The following ZNF460 variants were observed in gnomAD, a reference collection of about 807,000 sequenced individuals.
ZNF460 encodes the protein zinc finger protein 272.
A neutral mutation model predicts 8.4 loss-of-function variants in ZNF460; 1 was observed. That is an observed-to-expected ratio of 0.12 (90% CI 0.04 to 0.56). The LOEUF is 0.56. Among genes scored for constraint, ZNF460 ranks in the 20% least tolerant of loss-of-function variants. The pLI, the probability that ZNF460 is intolerant of heterozygous loss-of-function variation, is 0.91. For synonymous variants in ZNF460, 262 were observed against 259.9 expected (o/e 1.01, Z -0.08); for missense variants, 477 against 714.8 (o/e 0.67, Z 3.79).
intron 2 of ZNF460, among the ~76,000 whole-genome samples, chr19:57,286,123 T>G (rs1483004384): frequency 6.6e-6 from 1 of 152,258 alleles, no homozygotes; most frequent in Non-Finnish European, 1.5e-5. Flanking sequence ...TGTACTTTGC[T>G]TTACTGCACC....
intron 2 of ZNF460, 134 bp downstream of exon 2, chr19:57,284,811 CTA>C: frequency 5.0e-6 from 4 of 805,756 alleles, no homozygotes; most frequent in East Asian, 3.7e-5. Context: ...AAGCTTTACT[CTA>C]TTTTTTTTTT....
intron 2 of ZNF460, among the ~76,000 whole-genome samples, chr19:57,289,857 T>G (rs1480363317): frequency 6.6e-6 from 1 of 151,772 alleles, no homozygotes; most frequent in Non-Finnish European, 1.5e-5. Flanking sequence ...TACAAAAAAT[T>G]TAGCCAGGCG....
intron 2 of ZNF460, 134 bp downstream of exon 2, chr19:57,284,811 C>CAA: frequency 1.2e-6 from 1 of 805,772 alleles, no homozygotes; most frequent in Non-Finnish European, 1.7e-6. Flanking sequence ...AAGCTTTACT[C>CAA]TATTTTTTTT....
Position 57,291,842 on chromosome 19 carries a change from G to A in ZNF460, c.1301G>A (p.Gly434Glu). The change falls in exon 3 of 3, where the codon GGG (glycine) becomes GAG (glutamate). Residue 434 changes from glycine to glutamate, a missense_variant. By Grantham distance (98) the Gly-to-Glu change is moderately conservative. Coordinates refer to ENST00000360338, the MANE Select transcript of ZNF460 (RefSeq NM_006635.4). This position sits in a 1 kb window ranked among gnomAD's most constrained non-coding sequence, Gnocchi z 8.4. ...GGAAAGGCTTTTACCCGCATGTCAG[G>A]GCTCACAAGGCACCAGTGGATTCAT... ...QCGKAFTRMS[G>E]LTRHQWIHTG... The A allele has an allele frequency of 1.2e-6, 2 of 1,613,920 alleles. No homozygotes were observed. The highest frequency in any genetic ancestry group is 1.7e-6 in the Non-Finnish European group (2 of 1,179,932).
At position 57,291,178 on chromosome 19, in the gene ZNF460, C is replaced by T. The variant is rs758199269; in HGVS notation, c.637C>T (p.Gln213Ter). 1 of 1,614,232 alleles carries T rather than the reference C, an allele frequency of 6.2e-7. No homozygotes were observed. The highest frequency in any genetic ancestry group is 1.1e-5 in the South Asian group (1 of 91,090). The change falls in exon 3 of 3, where the codon CAG becomes TAG. Residue 213 changes from glutamine (Q) to a stop codon, truncating the protein, a stop_gained. Coordinates refer to ENST00000360338, the MANE Select transcript of ZNF460 (RefSeq NM_006635.4). LOFTEE classifies it low-confidence loss of function (END_TRUNC). This position sits in a 1 kb window ranked among gnomAD's most constrained non-coding sequence, Gnocchi z 8.4. ...KAFGKSKHLL[Q>*]HHIIHTGEKP... ...CTTCGGCAAGAGCAAACACCTCCTT[C>T]AGCATCACATCATCCATACTGGGGA...
rs1204687852 is a variant in ZNF460, at chr19:57,290,951, C to T, written c.410C>T (p.Ser137Leu). ...EGLATADGIC[S>L]MMIQNQVSPE... The stretch of plus-strand genomic sequence containing the variant: ...TTGGCGACAGCTGATGGTATTTGTT[C>T]AATGATGATACAGAACCAAGTCTCA... Residue 137 changes from serine (S) to leucine (L), a missense_variant, in exon 3 of 3, where the codon TCA (serine) becomes TTA (leucine). Ser to Leu is a moderately radical substitution (Grantham distance 145). Coordinates refer to ENST00000360338, the MANE Select transcript of ZNF460 (RefSeq NM_006635.4). 1 of 1,614,016 alleles carries T rather than the reference C, an allele frequency of 6.2e-7. No individual in the cohort carries two copies. The highest frequency in any genetic ancestry group is 2.2e-5 in the East Asian group (1 of 44,886).
Position 57,280,850 on chromosome 19 carries a change from G to C in ZNF460, c.30+14G>C. The C allele has an allele frequency of 1.9e-6, 3 of 1,614,124 alleles. No individual in the cohort carries two copies. Among genetic ancestry groups the C allele is most frequent in the Non-Finnish European group, 2.5e-6 (3 of 1,180,008 alleles). On this transcript the variant is annotated intron_variant, in intron 1 of 2. Transcript: ENST00000360338. ...GCTCCGGCGCAGGTGAGTGGACGAG[G>C]TTTCGGCCTTGCTGCTGCTGTGCTA...
intron 1 of ZNF460, among the ~76,000 whole-genome samples, chr19:57,281,697 C>G (rs1359186841): frequency 4.6e-5 from 7 of 151,156 alleles, no homozygotes; most frequent in Non-Finnish European, 1.0e-4. Flanking sequence ...TCCTGAGTAG[C>G]TGGGACTACA....
In ZNF460 at chr19:57,291,450, T is replaced by C. The variant is rs756160429; in HGVS notation, c.909T>C (p.Asn303=). The C allele has an allele frequency of 4.3e-6, 7 of 1,613,978 alleles. No individual in the cohort carries two copies. The Admixed American group carries it at 1.2e-4, about 27-fold the overall frequency. The stretch of plus-strand genomic sequence containing the variant: ...TTGTCTTGCATAACAAGAGCCACAA[T>C]GAGAAGAAACCCTTCGCATGCAGCG... ...SNFVLHNKSH[N]EKKPFACSEC... is the part of the protein sequence containing the mutation. The change falls in exon 3 of 3, where the codon AAT becomes AAC. Residue 303 remains asparagine, a synonymous_variant. Coordinates refer to ENST00000360338, the MANE Select transcript of ZNF460 (RefSeq NM_006635.4). This position sits in a 1 kb window ranked among gnomAD's most constrained non-coding sequence, Gnocchi z 8.4.
chr19:57,288,470 C>T (rs190456427), intron 2 of ZNF460, among the ~76,000 whole-genome samples: 1 of 152,320 alleles, frequency 6.6e-6, no homozygotes, highest in East Asian at 1.9e-4. Flanking sequence ...AACGGGATTA[C>T]AGGCATGAGC....
intron 1 of ZNF460, among the ~76,000 whole-genome samples, chr19:57,282,317 TG>T: frequency 6.6e-6 from 1 of 152,296 alleles, no homozygotes; most frequent in East Asian, 1.9e-4. Flanking sequence ...AATCTCCAGA[TG>T]GGCCCATATT....
chr19:57,280,495 G>T lies in ZNF460; in HGVS notation c.-312G>T, dbSNP rs1232456405. On this transcript the variant is annotated 5_prime_UTR_variant, in exon 1 of 3. Transcript: ENST00000360338. ...GGCCGGTTTGGCCCTGAAACAGTGT[G>T]GGGCCTAGAGCGCTGGGTGGGCGCG... The T allele has an allele frequency of 2.3e-6, 1 of 438,196 alleles. No homozygotes were observed. 27.1% of individuals were successfully genotyped at this position (438,196 alleles called of 1,614,324 possible).
Position 57,290,751 on chromosome 19 carries a change from G to C in ZNF460, c.210G>C (p.Leu70Phe), listed in dbSNP as rs762787757. ...AGCCTATCCCTTCTCATCTGGCCTTGCCTGAGGAAGTCTCACTCCAGGAAC... is the reference window on the plus strand; with the variant it reads ...AGCCTATCCCTTCTCATCTGGCCTTCCCTGAGGAAGTCTCACTCCAGGAAC... ...TVEPIPSHLA[L>F]PEEVSLQEQL... Residue 70 changes from leucine (L) to phenylalanine (F), a missense_variant, in exon 3 of 3, where the codon TTG becomes TTC. Leu to Phe is a conservative substitution (Grantham distance 22). Coordinates refer to ENST00000360338, the MANE Select transcript of ZNF460 (RefSeq NM_006635.4). 1 of 1,614,160 alleles carries C rather than the reference G, an allele frequency of 6.2e-7. No individual in the cohort carries two copies. The highest frequency in any genetic ancestry group is 8.5e-7 in the Non-Finnish European group (1 of 1,180,032).
chr19:57,280,615 T>A lies in ZNF460; in HGVS notation c.-192T>A. The A allele has an allele frequency of 2.9e-6, 2 of 685,492 alleles. No individual in the cohort carries two copies. Among genetic ancestry groups the A allele is most frequent in the Admixed American group, 5.9e-5 (2 of 34,044 alleles). The allele number at this position is 685,492 out of a possible 1,614,324, so 42.5% of individuals were successfully genotyped here. On this transcript the variant is annotated 5_prime_UTR_variant, in exon 1 of 3. Transcript: ENST00000360338. The stretch of plus-strand genomic sequence containing the variant: ...ACGCCCCGCTTCTCCCCTAACGAGG[T>A]GTCCCACCGGCGCCCGCCGAGGCCT...
At position 57,293,233 on chromosome 19, in the gene ZNF460, A is replaced by G. The variant is rs966521670; in HGVS notation, c.*1003A>G. The G allele has an allele frequency of 2.0e-5, 3 of 152,192 alleles. No individual in the cohort carries two copies. Among genetic ancestry groups the G allele is most frequent in the Non-Finnish European group, 4.4e-5 (3 of 68,032 alleles). 9.4% of individuals were successfully genotyped at this position (152,192 alleles called of 1,614,324 possible). On this transcript the variant is annotated 3_prime_UTR_variant, in exon 3 of 3. Coordinates refer to ENST00000360338, the MANE Select transcript of ZNF460 (RefSeq NM_006635.4). ...TCTAGAGGTCAATTTGGAACCAAAA[A>G]TGAAATAAGACATGTAGCTAAAGTA...
chr19:57,282,540 C>A (rs1199693942), intron 1 of ZNF460, among the ~76,000 whole-genome samples: 1 of 152,236 alleles, frequency 6.6e-6, no homozygotes, highest in East Asian at 1.9e-4. Context: ...GATGACTACA[C>A]TTCTCTGCCC....
At position 57,293,126 on chromosome 19, in the gene ZNF460, T is replaced by C. The variant is rs1414733585; in HGVS notation, c.*896T>C. ...CATAATGTAATCCAGGGAGTCCTAATTCTTCCCTCTGATTGTGGTTTCTCA... is the reference window on the plus strand; with the variant it reads ...CATAATGTAATCCAGGGAGTCCTAACTCTTCCCTCTGATTGTGGTTTCTCA... On this transcript the variant is annotated 3_prime_UTR_variant, in exon 3 of 3. Transcript: ENST00000360338. The C allele has an allele frequency of 6.6e-6, 1 of 152,238 alleles. No homozygotes were observed. The highest frequency in any genetic ancestry group is 2.4e-5 in the African/African-American group (1 of 41,466). The allele number at this position is 152,238 out of a possible 1,614,324, so 9.4% of individuals were successfully genotyped here. A position where few individuals can be genotyped will look rare whatever the true frequency, so the allele number is the denominator to read the frequency against.
Position 57,291,083 on chromosome 19 carries a change from G to C in ZNF460, c.542G>C (p.Cys181Ser). The C allele has an allele frequency of 6.2e-7, 1 of 1,614,180 alleles. No homozygotes were observed. Residue 181 changes from cysteine (C) to serine (S), a missense_variant, in exon 3 of 3, where the codon TGC (cysteine) becomes TCC (serine). By Grantham distance (112) the Cys-to-Ser change is moderately radical. Coordinates refer to ENST00000360338, the MANE Select transcript of ZNF460 (RefSeq NM_006635.4). The surrounding 1 kb of genome is among the most constrained non-coding windows in gnomAD (Gnocchi z 8.4). The part of the protein sequence containing the change: ...YKFEEMFNEN[C>S]FLVQHEQILP... ...TTCGAGGAAATGTTTAATGAGAATT[G>C]CTTCCTTGTTCAGCATGAGCAGATT...
At chr19:57,286,598 CATA>C (rs2122888911) in intron 2 of ZNF460, among the ~76,000 whole-genome samples, 1 of 152,196 alleles carries the variant, frequency 6.6e-6, no homozygotes, top group African/African-American at 2.4e-5. Flanking sequence ...GGCTTGGCAT[CATA>C]ATAAGACTCC....
Sources: allele counts gnomAD v4.1 joint callset (sites outside exome capture counted in the v4.1 genomes callset), GRCh38; gene constraint gnomAD v4.1.1; non-coding constraint Gnocchi (gnomAD v3.1); transcripts MANE v1.5; gene names NCBI Gene and HGNC (gene_info 2026-07-23, HGNC 2026-07-21).